Variants in NXPH2 observed in about 807,000 individuals in gnomAD.
NXPH2 encodes the protein neurexophilin 2.
In NXPH2, 5 loss-of-function variants were observed where a neutral mutation model predicts 19.8. The observed-to-expected ratio is 0.25, with a 90% CI of 0.13 to 0.53. The LOEUF is 0.53. Among genes scored for constraint, NXPH2 ranks in the 20% least tolerant of loss-of-function variants. NXPH2 has a pLI of 0.96. For missense variants in NXPH2, 289 were observed against 322.8 expected (o/e 0.90, Z 0.80); for synonymous variants, 154 against 127.4 (o/e 1.21, Z -1.41).
chr2:138,709,015 C>G (rs940167960), intron 1 of NXPH2, among the ~76,000 whole-genome samples: 1 of 152,204 alleles, frequency 6.6e-6, no homozygotes, highest in Non-Finnish European at 1.5e-5. Context: ...TTCTACCAAA[C>G]AAAAAGCTTC....
Position 138,699,435 on chromosome 2 carries a change from T to A in NXPH2, c.52-27770A>T, listed in dbSNP as rs898026351. On this transcript the variant is annotated intron_variant, in intron 1 of 1. Coordinates refer to ENST00000272641, the MANE Select transcript of NXPH2 (RefSeq NM_007226.3). ...ATCTAGATTACCAGTCTATGCCTTGTGAATAATTCATTAAGAATCATCCTT... is the reference window on the plus strand; with the variant it reads ...ATCTAGATTACCAGTCTATGCCTTGAGAATAATTCATTAAGAATCATCCTT... Among the ~76,000 whole-genome samples the A allele has an allele frequency of 3.3e-5, 5 of 152,076 alleles. No homozygotes were observed. In the East Asian group the frequency reaches 9.7e-4, roughly 29 times the overall value.
intron 1 of NXPH2, among the ~76,000 whole-genome samples, chr2:138,705,213 C>G (rs902053835): frequency 3.3e-5 from 5 of 152,128 alleles, no homozygotes; most frequent in Non-Finnish European, 5.9e-5. Context: ...ATCTTCCCAT[C>G]ATGGCCTCTC....
At chr2:138,750,533 T>G (rs1280499669) in intron 1 of NXPH2, among the ~76,000 whole-genome samples, 1 of 152,176 alleles carries the variant, frequency 6.6e-6, no homozygotes, top group African/African-American at 2.4e-5. Context: ...AACCAGCAGA[T>G]TGAAATCTCA....
intron 1 of NXPH2, among the ~76,000 whole-genome samples, chr2:138,718,473 G>A (rs886602216): frequency 6.6e-6 from 1 of 152,130 alleles, no homozygotes; most frequent in African/African-American, 2.4e-5. Context: ...CAATTTTTAT[G>A]TAATATTTTC....
intron 1 of NXPH2, among the ~76,000 whole-genome samples, chr2:138,710,721 C>T (rs1681092888): frequency 6.6e-6 from 1 of 152,122 alleles, no homozygotes; most frequent in Non-Finnish European, 1.5e-5. Context: ...ATTAGTTTCC[C>T]TCACTAAGAC....
chr2:138,762,062 T>C (rs1186031288), intron 1 of NXPH2, among the ~76,000 whole-genome samples: 1 of 152,160 alleles, frequency 6.6e-6, no homozygotes, highest in East Asian at 1.9e-4. Context: ...ACTAAGCAGA[T>C]TCAGAACTGA....
intron 1 of NXPH2, among the ~76,000 whole-genome samples, chr2:138,729,585 C>T (rs1186118054): frequency 6.6e-6 from 1 of 152,208 alleles, no homozygotes; most frequent in Non-Finnish European, 1.5e-5. Context: ...AATCTTCCTG[C>T]TGCATTTAGA....
In NXPH2 at chr2:138,778,136, C is replaced by T. The variant is rs181414408; in HGVS notation, c.51+2055G>A. 2.0e-4 allele frequency among the ~76,000 whole-genome samples: 31 copies of T among 152,208 alleles called. No individual in the cohort carries two copies. In the East Asian group the frequency reaches 5.2e-3, roughly 26 times the overall value. On this transcript the variant is annotated intron_variant, in intron 1 of 1. Coordinates refer to ENST00000272641, the MANE Select transcript of NXPH2 (RefSeq NM_007226.3). ...TCTGTTTTCCTTTCACATTCTAACC[C>T]CCTTGTGTTATAAGGCTGGCAACAG...
chr2:138,682,454 A>G (rs901303601), intron 1 of NXPH2, among the ~76,000 whole-genome samples: 1 of 152,192 alleles, frequency 6.6e-6, no homozygotes, highest in Non-Finnish European at 1.5e-5. Context: ...ACAAAAAAAG[A>G]ATGAAAAATG....
chr2:138,670,828 C>A lies in NXPH2; in HGVS notation c.*94G>T. The A allele has an allele frequency of 7.3e-7, 1 of 1,364,434 alleles. No individual in the cohort carries two copies. The highest frequency in any genetic ancestry group is 9.9e-7 in the Non-Finnish European group (1 of 1,010,642). The allele number at this position is 1,364,434 out of a possible 1,614,324, so 84.5% of individuals were successfully genotyped here. On this transcript the variant is annotated 3_prime_UTR_variant, in exon 2 of 2. Transcript: ENST00000272641. ...GGGAACTATTGTTCACTGCCAGAAA[C>A]AAAAGGGATCCTTTATCATAAAGAG...
At chr2:138,684,244 G>A (rs1680616453) in intron 1 of NXPH2, among the ~76,000 whole-genome samples, 1 of 152,174 alleles carries the variant, frequency 6.6e-6, no homozygotes, top group Admixed American at 6.5e-5. Flanking sequence ...TCTGGTCTTT[G>A]TATAAGGCCA....
At chr2:138,715,863 G>C (rs1480102552) in intron 1 of NXPH2, among the ~76,000 whole-genome samples, 1 of 152,144 alleles carries the variant, frequency 6.6e-6, no homozygotes, top group East Asian at 1.9e-4. Flanking sequence ...AACAGGTCTT[G>C]AATTTTATAC....
rs986329494 is a variant in NXPH2 at position 138,669,695 on chromosome 2, C to T, written c.*1227G>A. Reference sequence around the variant, plus strand: ...AGCCTTTTTCTTGGCCAACCAGACCCCTGTTTCTGTTCTAATTTAATGATC... The same window carrying T: ...AGCCTTTTTCTTGGCCAACCAGACCTCTGTTTCTGTTCTAATTTAATGATC... On this transcript the variant is annotated 3_prime_UTR_variant, in exon 2 of 2. Coordinates refer to ENST00000272641, the MANE Select transcript of NXPH2 (RefSeq NM_007226.3). Among the ~76,000 whole-genome samples, 1 of 152,132 alleles carries T rather than the reference C, an allele frequency of 6.6e-6. No homozygotes were observed. Among genetic ancestry groups the T allele is most frequent in the Non-Finnish European group, 1.5e-5 (1 of 68,022 alleles).
At chr2:138,707,760 C>T (rs930442676) in intron 1 of NXPH2, among the ~76,000 whole-genome samples, 82 of 152,112 alleles carry the variant, frequency 5.4e-4, no homozygotes, top group African/African-American at 2.0e-3. Context: ...CTTTTTGTAT[C>T]CAAGTGCCAG....
intron 1 of NXPH2, among the ~76,000 whole-genome samples, chr2:138,679,605 G>A (rs1680541556): frequency 6.6e-6 from 1 of 151,970 alleles, no homozygotes; most frequent in Non-Finnish European, 1.5e-5. Context: ...TCTCCATGTT[G>A]TTCATGCTGG....
intron 1 of NXPH2, among the ~76,000 whole-genome samples, chr2:138,750,691 G>A (rs1195671016): frequency 1.3e-5 from 2 of 152,104 alleles, no homozygotes; most frequent in African/African-American, 4.8e-5. Context: ...TGGCAAATCT[G>A]CTGGACAAAA....
At chr2:138,709,482 C>T (rs1245886020) in intron 1 of NXPH2, among the ~76,000 whole-genome samples, 2 of 151,800 alleles carry the variant, frequency 1.3e-5, no homozygotes, top group Non-Finnish European at 2.9e-5. Flanking sequence ...ACCACCTTTC[C>T]CCCCACCAGT....
chr2:138,711,563 C>T (rs1490394269), intron 1 of NXPH2, among the ~76,000 whole-genome samples: 1 of 152,130 alleles, frequency 6.6e-6, no homozygotes, highest in East Asian at 1.9e-4. Context: ...TGAATTGAAT[C>T]CGTCTTTGGT....
chr2:138,695,201 G>T (rs1680812007), intron 1 of NXPH2, among the ~76,000 whole-genome samples: 1 of 152,074 alleles, frequency 6.6e-6, no homozygotes, highest in Admixed American at 6.6e-5. Flanking sequence ...AATACCAAGG[G>T]AAAAGAATTC....
Sources: allele counts gnomAD v4.1 joint callset (sites outside exome capture counted in the v4.1 genomes callset), GRCh38; gene constraint gnomAD v4.1.1; transcripts MANE v1.5; gene names NCBI Gene and HGNC (gene_info 2026-07-23, HGNC 2026-07-21).